Variants in CEP128 observed in about 807,000 individuals in gnomAD.
CEP128 encodes centrosomal protein 128.
A neutral mutation model predicts 156.7 loss-of-function variants in CEP128; 132 were observed. The ratio of observed to expected loss-of-function variants is 0.84; its 90% confidence interval spans 0.73 to 0.97. CEP128 has a LOEUF of 0.97. CEP128 is among the 50% of genes least tolerant of loss of function. The pLI is 0.00. For synonymous variants in CEP128, 469 were observed against 448.9 expected (o/e 1.04, Z -0.57); for missense variants, 1,252 against 1,281.9 (o/e 0.98, Z 0.36).
At chr14:80,547,797 ATT>A (rs369896159) in intron 21 of CEP128, among the ~76,000 whole-genome samples, 17,565 of 141,034 alleles carry the variant, frequency 0.12, 2,106 homozygotes, top group African/African-American at 0.33. Flanking sequence ...AGGGAGAGGA[ATT>A]TTTTTTTTTT....
intron 19 of CEP128, among the ~76,000 whole-genome samples, chr14:80,717,295 T>C (rs1897642595): frequency 6.6e-6 from 1 of 152,118 alleles, no homozygotes; most frequent in South Asian, 2.1e-4. Context: ...CATATGAAAA[T>C]ACTGGAATAC....
chr14:80,915,101 G>A (rs896135108), intron 3 of CEP128, among the ~76,000 whole-genome samples: 5 of 152,200 alleles, frequency 3.3e-5, no homozygotes, highest in Non-Finnish European at 7.4e-5. Context: ...ACCCAGGCTG[G>A]AGCGAAGTGG....
chr14:80,731,913 A>T (rs1042777717), intron 19 of CEP128, among the ~76,000 whole-genome samples: 1 of 152,240 alleles, frequency 6.6e-6, no homozygotes, highest in Non-Finnish European at 1.5e-5. Flanking sequence ...GAATAAATCA[A>T]TAAGGCTATG....
intron 23 of CEP128, among the ~76,000 whole-genome samples, chr14:80,514,055 A>G (rs1888380028): frequency 6.6e-6 from 1 of 152,206 alleles, no homozygotes; most frequent in Non-Finnish European, 1.5e-5. Context: ...ACAATCTTTT[A>G]TCTTTACCTG....
chr14:80,901,168 T>G (rs924686479), intron 6 of CEP128, among the ~76,000 whole-genome samples: 1 of 151,234 alleles, frequency 6.6e-6, no homozygotes, highest in Admixed American at 6.6e-5. Flanking sequence ...ATCGCGCCAC[T>G]GCACTCCAGC....
chr14:80,868,925 G>A (rs1407364438), intron 8 of CEP128, among the ~76,000 whole-genome samples: 1 of 151,990 alleles, frequency 6.6e-6, no homozygotes, highest in East Asian at 1.9e-4. Flanking sequence ...AATTATAAAG[G>A]AGTCAATTCA....
intron 19 of CEP128, among the ~76,000 whole-genome samples, chr14:80,702,167 A>G (rs999431646): frequency 3.9e-5 from 6 of 152,204 alleles, no homozygotes; most frequent in African/African-American, 1.4e-4. Context: ...AGAATGTAAG[A>G]AACACAGCTA....
chr14:80,482,544 A>G (rs1887076620), intron 14 of CEP128, among the ~76,000 whole-genome samples: 1 of 152,218 alleles, frequency 6.6e-6, no homozygotes, highest in Non-Finnish European at 1.5e-5. Flanking sequence ...TGGTATCTAT[A>G]CTAAAAAACT....
Position 80,530,892 on chromosome 14 carries a change from A to C in CEP128, c.2881-6T>G. The C allele has an allele frequency of 6.3e-7, 1 of 1,585,584 alleles. No individual in the cohort carries two copies. The highest frequency in any genetic ancestry group is 1.2e-5 in the South Asian group (1 of 86,414). Reference sequence around the variant, plus strand: ...TCCAAGGCCACTTGGGTACTCTGAAATAGAAAACATAAGGAAACCAAACAT... The same window carrying C: ...TCCAAGGCCACTTGGGTACTCTGAACTAGAAAACATAAGGAAACCAAACAT... On this transcript the variant is annotated splice_region_variant and splice_polypyrimidine_tract_variant and intron_variant, in intron 21 of 24. Coordinates refer to ENST00000555265, the MANE Select transcript of CEP128 (RefSeq NM_152446.5).
intron 19 of CEP128, among the ~76,000 whole-genome samples, chr14:80,664,070 G>A (rs1481761658): frequency 6.6e-6 from 1 of 152,126 alleles, no homozygotes. Context: ...ACCTTTCTTG[G>A]AAAATGTGCA....
intron 19 of CEP128, among the ~76,000 whole-genome samples, chr14:80,685,896 G>C (rs1243356216): frequency 6.6e-6 from 1 of 152,106 alleles, no homozygotes; most frequent in Non-Finnish European, 1.5e-5. Flanking sequence ...GGAACAGCTA[G>C]CTAGGCCATA....
At position 80,497,293 on chromosome 14, in the gene CEP128, T is replaced by C. The variant is rs1207157112; in HGVS notation, c.*186A>G. The C allele has an allele frequency of 1.9e-6, 1 of 530,906 alleles. No individual in the cohort carries two copies. Among genetic ancestry groups the C allele is most frequent in the Non-Finnish European group, 3.3e-6 (1 of 302,794 alleles). 32.9% of individuals were successfully genotyped at this position (530,906 alleles called of 1,614,324 possible). A position where few individuals can be genotyped will look rare whatever the true frequency, so the allele number is the denominator to read the frequency against. On this transcript the variant is annotated 3_prime_UTR_variant, in exon 25 of 25. Coordinates refer to ENST00000555265, the MANE Select transcript of CEP128 (RefSeq NM_152446.5). ...TAGCTGCACATCATTCATGATCTGA[T>C]ATTATTTGGATTGGTTTACCATTCA...
chr14:80,801,641 G>A (rs1883861449), intron 13 of CEP128, among the ~76,000 whole-genome samples: 1 of 151,976 alleles, frequency 6.6e-6, no homozygotes, highest in Admixed American at 6.6e-5. Flanking sequence ...AGATGCGGTG[G>A]CTCACACCTG....
intron 2 of CEP128, chr14:80,957,825 A>G (rs1886783799): frequency 6.6e-6 from 1 of 152,214 alleles, no homozygotes. Context: ...AGAATGTTCA[A>G]CTAGGTGCTT....
intron 21 of CEP128, among the ~76,000 whole-genome samples, chr14:80,531,734 AAAGAG>A (rs905111008): frequency 5.3e-4 from 80 of 152,326 alleles, no homozygotes; most frequent in African/African-American, 1.8e-3. Flanking sequence ...GCATGGGAAG[AAAGAG>A]AAGTGTACTG....
At chr14:80,844,818 T>A (rs1274327047) in intron 9 of CEP128, among the ~76,000 whole-genome samples, 2 of 152,058 alleles carry the variant, frequency 1.3e-5, no homozygotes, top group African/African-American at 4.8e-5. Context: ...CCACAAGGGC[T>A]CTTATAGGAA....
At chr14:80,480,476 C>T (rs1410410719) in intron 14 of CEP128, among the ~76,000 whole-genome samples, 1 of 152,012 alleles carries the variant, frequency 6.6e-6, no homozygotes, top group East Asian at 1.9e-4. Context: ...TGGCTGAGAC[C>T]CAGGGCATCA....
At chr14:80,547,891 C>T (rs1221737844) in intron 21 of CEP128, among the ~76,000 whole-genome samples, 3 of 151,454 alleles carry the variant, frequency 2.0e-5, no homozygotes, top group African/African-American at 7.3e-5. Context: ...CTCCGCCTCT[C>T]GGGTTCAAGC....
At chr14:80,713,087 A>C (rs2139420695) in intron 19 of CEP128, among the ~76,000 whole-genome samples, 1 of 152,324 alleles carries the variant, frequency 6.6e-6, no homozygotes, top group South Asian at 2.1e-4. Context: ...TACCAATAAC[A>C]ATAAAATAGT....
Sources: gnomAD v4.1 joint callset for allele counts (sites outside exome capture counted in the v4.1 genomes callset) on GRCh38, gnomAD v4.1.1 for gene constraint, MANE v1.5 for transcripts, NCBI Gene and HGNC (gene_info 2026-07-23, HGNC 2026-07-21) for gene names.